Variants in TMEM38B observed in about 807,000 individuals in gnomAD.
The protein encoded by TMEM38B is transmembrane protein 38B.
In TMEM38B, 24 loss-of-function variants were observed where a neutral mutation model predicts 28.7. The observed-to-expected ratio is 0.84, with a 90% CI of 0.61 to 1.18. The LOEUF (loss-of-function observed/expected upper bound fraction) is 1.18. Ranked by LOEUF, TMEM38B falls within the 50% of genes most tolerant of loss-of-function variation. The probability of loss-of-function intolerance (pLI) is 0.00; values close to 1 mark genes in which losing one functional copy is unlikely to be tolerated. For synonymous variants in TMEM38B, 131 were observed against 127.7 expected, an observed-to-expected ratio of 1.03 and a Z score of -0.17; for missense variants, 380 against 350.9, an observed-to-expected ratio of 1.08 and a Z score of -0.66.
At position 105,721,566 on chromosome 9, in the gene TMEM38B, T is replaced by C. The variant is rs1836319061; in HGVS notation, c.299T>C (p.Leu100Pro). The C allele has an allele frequency of 6.2e-7, 1 of 1,606,806 alleles. No homozygotes were observed. Among genetic ancestry groups the C allele is most frequent in the African/African-American group, 1.3e-5 (1 of 74,650 alleles). Residue 100 changes from leucine (L) to proline (P), a missense_variant, in exon 3 of 6, where the codon CTA becomes CCA. Coordinates refer to ENST00000374692, the MANE Select transcript of TMEM38B (RefSeq NM_018112.3). ...ATTACATTTTTTTGCCCGCATGACC[T>C]AGTTTCCCAGGGCTATTCATATCTA... Reference protein sequence around the residue: ...WYITFFCPHDLVSQGYSYLPV... With the variant: ...WYITFFCPHDPVSQGYSYLPV...
At chr9:105,757,970 T>C (rs1184041479) in intron 5 of TMEM38B, among the ~76,000 whole-genome samples, 1 of 152,262 alleles carries the variant, frequency 6.6e-6, no homozygotes, top group Non-Finnish European at 1.5e-5. Flanking sequence ...TTTTTAGGTA[T>C]AACCAACAGC....
At chr9:105,710,231 C>A in intron 2 of TMEM38B, 1 of 528,300 alleles carries the variant, frequency 1.9e-6, no homozygotes, top group South Asian at 2.2e-5. Context: ...TTTCCACTTT[C>A]AGATCTTTCT....
chr9:105,741,795 C>T (rs936571936), intron 4 of TMEM38B, among the ~76,000 whole-genome samples: 1 of 152,136 alleles, frequency 6.6e-6, no homozygotes, highest in Non-Finnish European at 1.5e-5. Flanking sequence ...CCCTCAAAAC[C>T]AGGACTCAAT....
At chr9:105,757,529 G>A (rs1311761002) in intron 5 of TMEM38B, among the ~76,000 whole-genome samples, 3 of 151,128 alleles carry the variant, frequency 2.0e-5, no homozygotes, top group Admixed American at 6.6e-5. Flanking sequence ...CCCACCAGCA[G>A]TGTAAAAGTG....
intron 2 of TMEM38B, among the ~76,000 whole-genome samples, chr9:105,714,630 G>T (rs1240115764): frequency 1.3e-5 from 2 of 152,020 alleles, no homozygotes; most frequent in South Asian, 2.1e-4. Flanking sequence ...ATATTTCATT[G>T]GTTTCAATAA....
chr9:105,760,903 A>ATG, intron 5 of TMEM38B: 1 of 533,912 alleles, frequency 1.9e-6, no homozygotes, highest in Non-Finnish European at 3.3e-6. Context: ...TTGTTTATCA[A>ATG]TGTGAGACTC....
intron 4 of TMEM38B, among the ~76,000 whole-genome samples, chr9:105,732,213 T>C (rs1489513661): frequency 6.6e-6 from 1 of 152,186 alleles, no homozygotes; most frequent in Non-Finnish European, 1.5e-5. Context: ...TATTAGCACT[T>C]TGTCAGATGG....
chr9:105,697,315 A>G (rs1180868701), intron 1 of TMEM38B, among the ~76,000 whole-genome samples: 3 of 152,224 alleles, frequency 2.0e-5, no homozygotes, highest in Admixed American at 6.5e-5. Flanking sequence ...TGATTATTGA[A>G]TACTTATATA....
At chr9:105,715,495 T>A (rs2133568539) in intron 2 of TMEM38B, among the ~76,000 whole-genome samples, 1 of 152,270 alleles carries the variant, frequency 6.6e-6, no homozygotes, top group South Asian at 2.1e-4. Flanking sequence ...GTATTCTTCC[T>A]TTGCATTGGT....
intron 2 of TMEM38B, among the ~76,000 whole-genome samples, chr9:105,713,383 T>C (rs543562048): frequency 6.6e-6 from 1 of 152,324 alleles, no homozygotes; most frequent in South Asian, 2.1e-4. Flanking sequence ...CTGCTCCCGC[T>C]GCCTGGCCTC....
rs181198587 is a variant in TMEM38B, at chr9:105,712,486, A to G, written c.269+6733A>G. ...CCATAGTCCAGAGTTTGCTGATTGC[A>G]TAATCATGGTATAGATCATTATATT... On this transcript the variant is annotated intron_variant, in intron 2 of 5. Coordinates refer to ENST00000374692, the MANE Select transcript of TMEM38B (RefSeq NM_018112.3). 4.9e-4 allele frequency among the ~76,000 whole-genome samples: 75 copies of G among 152,360 alleles called. 2 individuals are homozygous for G. The South Asian group carries it at 0.015, about 31-fold the overall frequency.
At chr9:105,733,801 G>A (rs573582189) in intron 4 of TMEM38B, among the ~76,000 whole-genome samples, 1 of 152,004 alleles carries the variant, frequency 6.6e-6, no homozygotes, top group South Asian at 2.1e-4. Flanking sequence ...TTTCTGTGGT[G>A]TCTGTTGTAA....
In TMEM38B at chr9:105,721,593, C is replaced by G. The variant is rs936099822; in HGVS notation, c.326C>G (p.Pro109Arg). 1.2e-6 allele frequency: 2 copies of G among 1,613,504 alleles called. No individual in the cohort carries two copies. Among genetic ancestry groups the G allele is most frequent in the Non-Finnish European group, 1.7e-6 (2 of 1,179,642 alleles). Residue 109 changes from proline (P) to arginine (R), a missense_variant, in exon 3 of 6, where the codon CCT becomes CGT. Physicochemically the swap from Pro to Arg is moderately radical, Grantham distance 103. Coordinates refer to ENST00000374692, the MANE Select transcript of TMEM38B (RefSeq NM_018112.3). Reference sequence around the variant, plus strand: ...GTTTCCCAGGGCTATTCATATCTACCTGTTCAACTACTGGCTTCGGGAATG... The same window carrying G: ...GTTTCCCAGGGCTATTCATATCTACGTGTTCAACTACTGGCTTCGGGAATG... The part of the protein sequence containing the change: ...DLVSQGYSYL[P>R]VQLLASGMKE...
At chr9:105,742,649 C>T (rs560382282) in intron 4 of TMEM38B, among the ~76,000 whole-genome samples, 1 of 152,232 alleles carries the variant, frequency 6.6e-6, no homozygotes, top group East Asian at 1.9e-4. Flanking sequence ...ATGCCTTGCC[C>T]CAGTGCATTT....
chr9:105,706,879 C>T (rs1274847484), intron 2 of TMEM38B, among the ~76,000 whole-genome samples: 3 of 151,998 alleles, frequency 2.0e-5, no homozygotes, highest in Admixed American at 6.6e-5. Context: ...TGGGTTCAAG[C>T]GATTCTCCTG....
Position 105,698,588 on chromosome 9 carries a change from A to T in TMEM38B, c.112+3816A>T, listed in dbSNP as rs34846310. ...CATCCTTATATTCTTGGACTAAACT[A>T]CTTGATACATTATTTTAATTCATTA... is the stretch of plus-strand genomic sequence containing the variant. On this transcript the variant is annotated intron_variant, in intron 1 of 5. Transcript: ENST00000374692. Among the ~76,000 whole-genome samples, 376 of 152,218 alleles carry T rather than the reference A, an allele frequency of 2.5e-3. 1 individual carries two copies. The highest frequency in any genetic ancestry group is 4.2e-3 in the Non-Finnish European group (288 of 67,986).
chr9:105,730,687 T>A (rs1836708477), intron 4 of TMEM38B, among the ~76,000 whole-genome samples: 1 of 152,218 alleles, frequency 6.6e-6, no homozygotes. Context: ...TGTGAATCCA[T>A]CTGGTCCTGG....
intron 1 of TMEM38B, among the ~76,000 whole-genome samples, chr9:105,698,011 T>C (rs1386555842): frequency 6.6e-6 from 1 of 152,178 alleles, no homozygotes; most frequent in Non-Finnish European, 1.5e-5. Context: ...CAGAGTATGC[T>C]CTATGCTCAT....
At position 105,702,904 on chromosome 9, in the gene TMEM38B, T is replaced by G. The variant is rs949576673; in HGVS notation, c.113-2693T>G. 9 of 152,176 alleles carry G rather than the reference T, an allele frequency of 5.9e-5. 1 individual carries two copies. The highest frequency in any genetic ancestry group is 1.2e-4 in the Non-Finnish European group (8 of 68,062). 9.4% of individuals were successfully genotyped at this position (152,176 alleles called of 1,614,324 possible). ...TATGTTGCTCAAGCTGGTCTCGACC[T>G]CCTGGACTCAAGCAATCCTCCCAGC... On this transcript the variant is annotated intron_variant, in intron 1 of 5. Coordinates refer to ENST00000374692, the MANE Select transcript of TMEM38B (RefSeq NM_018112.3).
Sources: gnomAD v4.1 joint callset for allele counts (sites outside exome capture counted in the v4.1 genomes callset) on GRCh38, gnomAD v4.1.1 for gene constraint, MANE v1.5 for transcripts, NCBI Gene and HGNC (gene_info 2026-07-23, HGNC 2026-07-21) for gene names.